Variants in RBMS2 observed in about 807,000 individuals in gnomAD.
RBMS2 encodes RNA-binding motif, single-stranded-interacting protein 2.
RBMS2 carries 38 observed loss-of-function variants against 58.4 expected under a neutral mutation model. That is an observed-to-expected ratio of 0.65 (90% CI 0.50 to 0.85). RBMS2 has a LOEUF of 0.85. Among genes scored for constraint, RBMS2 ranks in the 40% least tolerant of loss-of-function variants. RBMS2 has a pLI of 0.00. For synonymous variants in RBMS2, 151 were observed against 180.7 expected, an observed-to-expected ratio of 0.84 and a Z score of 1.32; for missense variants, 367 against 503.7, an observed-to-expected ratio of 0.73 and a Z score of 2.60.
chr12:56,533,616 A>G (rs1874212944), intron 1 of RBMS2, among the ~76,000 whole-genome samples: 2 of 151,024 alleles, frequency 1.3e-5, no homozygotes, highest in African/African-American at 4.9e-5. Context: ...GGGTTTCACC[A>G]TGTTGACCAG....
At chr12:56,580,199 G>C (rs567074423) in intron 5 of RBMS2, 6 of 379,020 alleles carry the variant, frequency 1.6e-5, no homozygotes, top group South Asian at 1.2e-4. Context: ...CCAAAGTGCT[G>C]GGATTACAGG....
chr12:56,594,142 CTGTCACTCCAA>C lies in RBMS2; in HGVS notation c.*5015_*5025del, dbSNP rs1215147718. 2 of 152,220 alleles carry C rather than the reference CTGTCACTCCAA, an allele frequency of 1.3e-5. No individual in the cohort carries two copies. The highest frequency in any genetic ancestry group is 4.8e-5 in the African/African-American group (2 of 41,450). The allele number at this position is 152,220 out of a possible 1,614,324, so 9.4% of individuals were successfully genotyped here. A position where few individuals can be genotyped will look rare whatever the true frequency, so the allele number is the denominator to read the frequency against. On this transcript the variant is annotated 3_prime_UTR_variant, in exon 14 of 14. Transcript: ENST00000262031. Reference sequence around the variant, plus strand: ...ATGTCAACCCATTGGGAGTTGAGGCCTGTCACTCCAATGTCAACCCGTGGGCTGTTACTTTG... The same window carrying C: ...ATGTCAACCCATTGGGAGTTGAGGCCTGTCAACCCGTGGGCTGTTACTTTG...
rs1885602205 is a variant in RBMS2, at chr12:56,594,908, TGGG to T, written c.*5778_*5780del. The T allele has an allele frequency of 2.0e-5, 3 of 152,250 alleles. No individual in the cohort carries two copies. The highest frequency in any genetic ancestry group is 4.4e-5 in the Non-Finnish European group (3 of 68,004). The allele number at this position is 152,250 out of a possible 1,614,324, so 9.4% of individuals were successfully genotyped here. ...TGTCCTTCTCTGAGGGTTGGGAAGG[TGGG>T]GGCTAGAAAAGGCTCATAATTTTTA... On this transcript the variant is annotated 3_prime_UTR_variant, in exon 14 of 14. Transcript: ENST00000262031.
intron 5 of RBMS2, among the ~76,000 whole-genome samples, chr12:56,576,545 G>T (rs1021277924): frequency 6.6e-6 from 1 of 152,014 alleles, no homozygotes; most frequent in African/African-American, 2.4e-5. Flanking sequence ...TGAGGATAAG[G>T]GGGGACTACT....
chr12:56,544,526 T>C (rs1876772355), intron 1 of RBMS2, among the ~76,000 whole-genome samples: 1 of 152,140 alleles, frequency 6.6e-6, no homozygotes, highest in Non-Finnish European at 1.5e-5. Context: ...TGGTAACGTC[T>C]GGTAACCTAA....
chr12:56,545,063 C>T (rs1388929565), intron 1 of RBMS2, among the ~76,000 whole-genome samples: 2 of 152,086 alleles, frequency 1.3e-5, no homozygotes, highest in African/African-American at 4.8e-5. Flanking sequence ...CCTTCACACT[C>T]CTTCCAGCCT....
intron 1 of RBMS2, among the ~76,000 whole-genome samples, chr12:56,545,938 T>TTC (rs147269281): frequency 0.14 from 2,688 of 18,592 alleles, 105 homozygotes; most frequent in African/African-American, 0.17. Flanking sequence ...CTTTCTTTTC[T>TTC]TTTTTTTTTT....
At chr12:56,588,849 T>C in intron 12 of RBMS2, 83 bp from the exon 13 acceptor site, 1 of 1,335,078 alleles carries the variant, frequency 7.5e-7, no homozygotes, top group Non-Finnish European at 1.1e-6. Flanking sequence ...GCACTCGATG[T>C]AGGGTGGGCT....
rs551699034 is a variant in RBMS2, at chr12:56,589,034, TG to T, written c.*6+22del. On this transcript the variant is annotated intron_variant, in intron 13 of 13. Coordinates refer to ENST00000262031, the MANE Select transcript of RBMS2 (RefSeq NM_002898.4). Reference sequence around the variant, plus strand: ...GTAACAGTGGGTAAGAACCACATGCTGGGGGGCAGGGAGGGCTGCACTGGCA... The same window carrying T: ...GTAACAGTGGGTAAGAACCACATGCTGGGGGCAGGGAGGGCTGCACTGGCA... 655 of 1,614,016 alleles carry T rather than the reference TG, an allele frequency of 4.1e-4. 1 individual carries two copies. Among genetic ancestry groups the T allele is most frequent in the Non-Finnish European group, 5.3e-4 (626 of 1,179,978 alleles).
At chr12:56,543,419 A>T (rs969724509) in intron 1 of RBMS2, among the ~76,000 whole-genome samples, 1 of 67,498 alleles carries the variant, frequency 1.5e-5, no homozygotes, top group African/African-American at 5.0e-5. Context: ...CAGGAGGCAG[A>T]GATTGCTGTG....
chr12:56,527,363 G>A (rs1037156425), intron 1 of RBMS2, among the ~76,000 whole-genome samples: 1 of 152,170 alleles, frequency 6.6e-6, no homozygotes, highest in Non-Finnish European at 1.5e-5. Context: ...TGTAATCCCA[G>A]CACTTTGGGA....
Position 56,593,559 on chromosome 12 carries a change from T to G in RBMS2, c.*4426T>G, listed in dbSNP as rs1195123245. On this transcript the variant is annotated 3_prime_UTR_variant, in exon 14 of 14. Transcript: ENST00000262031. ...TTTTCAGTTTTTTTATTTTTATTTT[T>G]TCTTTGAGACGGAGTCTCGCTCTGT... The G allele has an allele frequency of 6.6e-6, 1 of 151,552 alleles. No homozygotes were observed. Among genetic ancestry groups the G allele is most frequent in the Non-Finnish European group, 1.5e-5 (1 of 68,038 alleles). 9.4% of individuals were successfully genotyped at this position (151,552 alleles called of 1,614,324 possible).
intron 1 of RBMS2, among the ~76,000 whole-genome samples, chr12:56,557,298 T>C (rs1028203926): frequency 7.2e-5 from 11 of 152,228 alleles, no homozygotes; most frequent in African/African-American, 2.7e-4. Context: ...CAAAGTGTTT[T>C]AGGAAGCCAG....
intron 1 of RBMS2, among the ~76,000 whole-genome samples, chr12:56,536,713 G>A (rs961030435): frequency 6.7e-6 from 1 of 149,552 alleles, no homozygotes; most frequent in East Asian, 2.0e-4. Flanking sequence ...GACTACAGGC[G>A]TTTGCCACCA....
At chr12:56,558,101 A>G (rs1202885599) in intron 1 of RBMS2, among the ~76,000 whole-genome samples, 6 of 121,528 alleles carry the variant, frequency 4.9e-5, no homozygotes, top group Non-Finnish European at 9.7e-5. Context: ...CTGGAGTGCA[A>G]TGGCGAGAAC....
Position 56,592,602 on chromosome 12 carries a change from C to A in RBMS2, c.*3469C>A. 1 of 152,434 alleles carries A rather than the reference C, an allele frequency of 6.6e-6. No homozygotes were observed. Among genetic ancestry groups the A allele is most frequent in the Non-Finnish European group, 1.5e-5 (1 of 68,158 alleles). The allele number at this position is 152,434 out of a possible 1,614,324, so 9.4% of individuals were successfully genotyped here. A position where few individuals can be genotyped will look rare whatever the true frequency, so the allele number is the denominator to read the frequency against. On this transcript the variant is annotated 3_prime_UTR_variant, in exon 14 of 14. Coordinates refer to ENST00000262031, the MANE Select transcript of RBMS2 (RefSeq NM_002898.4). ...CTCGGCTCACTGCAACCTCCGCCTC[C>A]CAGGTTCAAGCAATTCTCCTGCCTC...
intron 1 of RBMS2, chr12:56,539,647 T>G (rs950538374): frequency 4.4e-6 from 2 of 449,522 alleles, no homozygotes; most frequent in Non-Finnish European, 8.9e-6. Context: ...ATAGACAGTA[T>G]TTTTACATAC....
chr12:56,580,251 AAC>A (rs1883748489), intron 5 of RBMS2: 1 of 226,632 alleles, frequency 4.4e-6, no homozygotes, highest in African/African-American at 4.6e-5. Context: ...TTTTTTTTTT[AAC>A]ACAGATTCTC....
intron 9 of RBMS2, among the ~76,000 whole-genome samples, chr12:56,582,732 A>G (rs558367162): frequency 1.3e-5 from 2 of 152,256 alleles, no homozygotes; most frequent in Non-Finnish European, 2.9e-5. Flanking sequence ...GCAGTGGTGC[A>G]ATCTCGGCTC....
Sources: gnomAD v4.1 joint callset for allele counts (sites outside exome capture counted in the v4.1 genomes callset) on GRCh38, gnomAD v4.1.1 for gene constraint, MANE v1.5 for transcripts, NCBI Gene and HGNC (gene_info 2026-07-23, HGNC 2026-07-21) for gene names.